NLRP5: variants seen among roughly 807,000 people sequenced by gnomAD.
NLRP5 encodes the protein NLR family pyrin domain containing 5, also known as NACHT, LRR and PYD domains-containing protein 5.
In NLRP5, 93 loss-of-function variants were observed where a neutral mutation model predicts 113.1. The ratio of observed to expected loss-of-function variants is 0.82; its 90% CI spans 0.70 to 0.98. The LOEUF is 0.98. NLRP5 is among the 50% of genes least tolerant of loss of function. The pLI is 0.00. For missense variants in NLRP5, 1,808 were observed against 1,514.3 expected, an observed-to-expected ratio of 1.19 and a Z score of -3.22; for synonymous variants, 751 against 600.7, an observed-to-expected ratio of 1.25 and a Z score of -3.66.
At chr19:56,015,447 C>T (rs980133274) in intron 3 of NLRP5, among the ~76,000 whole-genome samples, 6 of 152,312 alleles carry the variant, frequency 3.9e-5, no homozygotes, top group East Asian at 3.9e-4. Flanking sequence ...TCGCCTGCCT[C>T]GGCCTCCCAA....
chr19:56,019,471 G>T, intron 5 of NLRP5, 73 bp downstream of exon 5: 2 of 1,472,282 alleles, frequency 1.4e-6, no homozygotes, highest in Non-Finnish European at 1.9e-6. Flanking sequence ...AAGTAGTTTA[G>T]ATTTCAAGGG....
chr19:56,017,777 ATAGCGTCAC>A (rs2123290002), intron 4 of NLRP5, among the ~76,000 whole-genome samples: 1 of 152,234 alleles, frequency 6.6e-6, no homozygotes, highest in South Asian at 2.1e-4. Flanking sequence ...ATATCGGTAA[ATAGCGTCAC>A]TATGTGCCTG....
At chr19:56,045,151 C>G (rs898683710) in intron 11 of NLRP5, among the ~76,000 whole-genome samples, 3 of 152,220 alleles carry the variant, frequency 2.0e-5, no homozygotes, top group African/African-American at 4.8e-5. Flanking sequence ...ATATTGTCAG[C>G]AAACAGTGAC....
At chr19:55,987,824 G>A in the NLRP5 span, 1 of 1,613,590 alleles carries the variant, frequency 6.2e-7, no homozygotes, top group Admixed American at 1.7e-5. Context: ...CTGTATTCCT[G>A]CCTGGACTCG....
At chr19:55,987,931 C>A in the NLRP5 span, 1 of 1,574,000 alleles carries the variant, frequency 6.4e-7, no homozygotes, top group Non-Finnish European at 8.7e-7. Context: ...AGTCATCTTT[C>A]TCTGGGGCTT....
chr19:56,002,804 T>G (rs1981708067), intron 1 of NLRP5, among the ~76,000 whole-genome samples: 1 of 151,998 alleles, frequency 6.6e-6, no homozygotes, highest in South Asian at 2.1e-4. Context: ...CTCATCCTTT[T>G]TTATGGCTGC....
chr19:56,006,015 A>G (rs1041572406), intron 2 of NLRP5, among the ~76,000 whole-genome samples: 1 of 152,180 alleles, frequency 6.6e-6, no homozygotes, highest in Non-Finnish European at 1.5e-5. Flanking sequence ...TTAAATTCTC[A>G]TATGTCTGGT....
Position 56,028,077 on chromosome 19 carries a change from CAAAG to C in NLRP5, c.1846_1849del (p.Lys616GlyfsTer17). On this transcript the variant is annotated frameshift_variant, in exon 7 of 15. Transcript: ENST00000390649. LOFTEE classifies it high-confidence loss of function. ...CTCTGCCCTCTGTACGTTGAGAAGA[CAAAG>C]AGGTCCATGGAGCTTAAACAGGCAG... 1 of 1,614,030 alleles carries C rather than the reference CAAAG, an allele frequency of 6.2e-7. No homozygotes were observed. The highest frequency in any genetic ancestry group is 8.5e-7 in the Non-Finnish European group (1 of 1,179,896).
At chr19:56,002,593 C>T (rs888983027) in intron 1 of NLRP5, among the ~76,000 whole-genome samples, 4 of 150,610 alleles carry the variant, frequency 2.7e-5, no homozygotes, top group African/African-American at 9.9e-5. Context: ...TTAGGTATAT[C>T]TCCTAATGCT....
chr19:56,008,898 C>T (rs1271519560), intron 3 of NLRP5, 45 bp downstream of exon 3: 2 of 1,538,942 alleles, frequency 1.3e-6, no homozygotes, highest in South Asian at 1.2e-5. Context: ...CTTAAAGACA[C>T]ATGGCAGCCA....
chr19:56,050,387 C>T (rs540341288), intron 11 of NLRP5, 31 bp from the exon 12 acceptor site: 183 of 1,604,228 alleles, frequency 1.1e-4, no homozygotes, highest in Non-Finnish European at 1.4e-4. Context: ...ATGAGCATCA[C>T]GATCTTCTTT....
intron 10 of NLRP5, among the ~76,000 whole-genome samples, chr19:56,038,418 C>A (rs540605716): frequency 6.6e-6 from 1 of 152,112 alleles, no homozygotes; most frequent in Non-Finnish European, 1.5e-5. Flanking sequence ...AAGGTGGACG[C>A]GGGAATCAGC....
chr19:56,011,502 A>G (rs1222617251), intron 3 of NLRP5, among the ~76,000 whole-genome samples: 1 of 152,128 alleles, frequency 6.6e-6, no homozygotes, highest in East Asian at 1.9e-4. Flanking sequence ...ATTTCTGTAA[A>G]TCTATTACAA....
Position 56,061,595 on chromosome 19 carries a change from C to T in NLRP5, c.*67C>T. ...AACTTTAAACGCTGTTTTCTCAGAG[C>T]AAGCTATGCACCTGGGAGTTCCTTC... On this transcript the variant is annotated 3_prime_UTR_variant, in exon 15 of 15. Transcript: ENST00000390649. 1 of 1,552,044 alleles carries T rather than the reference C, an allele frequency of 6.4e-7. No individual in the cohort carries two copies. Among genetic ancestry groups the T allele is most frequent in the Non-Finnish European group, 8.9e-7 (1 of 1,127,338 alleles).
upstream of NLRP5, among the ~76,000 whole-genome samples, chr19:55,996,619 G>T (rs1296861061): frequency 6.6e-6 from 1 of 152,134 alleles, no homozygotes; most frequent in Non-Finnish European, 1.5e-5. Flanking sequence ...AGTTTGCTCA[G>T]AATGATGATT....
intron 14 of NLRP5, among the ~76,000 whole-genome samples, chr19:56,059,945 C>T (rs1984291500): frequency 6.6e-6 from 1 of 152,022 alleles, no homozygotes; most frequent in African/African-American, 2.4e-5. Context: ...ATGGGTATAA[C>T]CAGGAAGAAG....
chr19:56,010,064 A>G (rs1226578041), intron 3 of NLRP5, among the ~76,000 whole-genome samples: 1 of 152,212 alleles, frequency 6.6e-6, no homozygotes, highest in Non-Finnish European at 1.5e-5. Context: ...CCTTGATAGT[A>G]GGACTGAAAC....
intron 3 of NLRP5, among the ~76,000 whole-genome samples, chr19:56,010,979 C>T (rs761653930): frequency 5.9e-5 from 9 of 151,716 alleles, no homozygotes; most frequent in African/African-American, 9.7e-5. Context: ...TAGCAAGACC[C>T]GACGTCTACC....
rs1984359460 is a variant in NLRP5 at position 56,061,642 on chromosome 19, T to C, written c.*114T>C. Reference sequence around the variant, plus strand: ...CTTCTCAAAGATGGAGAATGATTTCTGATTCTCACAAAGCCCTCAATGGTA... The same window carrying C: ...CTTCTCAAAGATGGAGAATGATTTCCGATTCTCACAAAGCCCTCAATGGTA... On this transcript the variant is annotated 3_prime_UTR_variant, in exon 15 of 15. Transcript: ENST00000390649. 1 of 1,195,250 alleles carries C rather than the reference T, an allele frequency of 8.4e-7. No individual in the cohort carries two copies. Among genetic ancestry groups the C allele is most frequent in the African/African-American group, 1.5e-5 (1 of 66,430 alleles). The allele number at this position is 1,195,250 out of a possible 1,614,324, so 74.0% of individuals were successfully genotyped here.
Sources: allele counts gnomAD v4.1 joint callset (sites outside exome capture counted in the v4.1 genomes callset), GRCh38; gene constraint gnomAD v4.1.1; transcripts MANE v1.5; gene names NCBI Gene and HGNC (gene_info 2026-07-23, HGNC 2026-07-21).